The following MGAT5B variants were observed in gnomAD, a reference collection of about 807,000 sequenced individuals.
MGAT5B encodes the protein alpha-1,6-mannosylglycoprotein 6-beta-N-acetylglucosaminyltransferase B.
Under a neutral mutation model 95.1 loss-of-function variants are expected in MGAT5B, and 54 were observed. The ratio of observed to expected loss-of-function variants is 0.57; its 90% CI spans 0.46 to 0.71. MGAT5B has a LOEUF of 0.71. MGAT5B is among the 30% of genes least tolerant of loss of function. MGAT5B has a pLI of 0.00. For synonymous variants in MGAT5B, 464 were observed against 451.0 expected (o/e 1.03, Z -0.36); for missense variants, 935 against 1,088.6 (o/e 0.86, Z 1.99).
Position 76,903,801 on chromosome 17 carries a change from G to A in MGAT5B, c.519+425G>A, listed in dbSNP as rs114810250. ...TGGTTCTGAACGCCCTAAGGGGTGG[G>A]CGGTGGTGCCGCAGACCCCTTCCTT... On this transcript the variant is annotated intron_variant, in intron 5 of 17. Transcript: ENST00000569840. Among the ~76,000 whole-genome samples the A allele has an allele frequency of 1.1e-3, 172 of 152,358 alleles. 1 individual carries two copies. Among genetic ancestry groups the A allele is most frequent in the African/African-American group, 4.0e-3 (168 of 41,588 alleles).
At chr17:76,882,065 C>T in intron 2 of MGAT5B, 86 bp from the exon 3 acceptor site, 1 of 1,459,252 alleles carries the variant, frequency 6.9e-7, no homozygotes, top group Non-Finnish European at 9.2e-7. Context: ...TTGGGGCCAG[C>T]TTTGTCTGAG....
At chr17:76,880,733 G>A (rs922874663) in intron 2 of MGAT5B, among the ~76,000 whole-genome samples, 6 of 152,208 alleles carry the variant, frequency 3.9e-5, no homozygotes, top group African/African-American at 1.2e-4. Context: ...CAGGTGGGGA[G>A]ACTGCAGTGT....
At chr17:76,881,627 G>A (rs1177721746) in intron 2 of MGAT5B, among the ~76,000 whole-genome samples, 1 of 152,208 alleles carries the variant, frequency 6.6e-6, no homozygotes, top group Non-Finnish European at 1.5e-5. Context: ...GGCAAATCTA[G>A]ACCAAGGCCC....
At chr17:76,875,068 C>T (rs1967137470) in intron 2 of MGAT5B, among the ~76,000 whole-genome samples, 1 of 152,172 alleles carries the variant, frequency 6.6e-6, no homozygotes, top group South Asian at 2.1e-4. Context: ...TGATCAGTCC[C>T]CAAGTGTCCC....
intron 8 of MGAT5B, among the ~76,000 whole-genome samples, chr17:76,907,381 C>G (rs1968571231): frequency 6.6e-6 from 1 of 152,046 alleles, no homozygotes; most frequent in Non-Finnish European, 1.5e-5. Flanking sequence ...TTTGTTTTTT[C>G]TTAATAGTGT....
In MGAT5B at chr17:76,938,248, T is replaced by G; in HGVS notation, c.1584+105T>G. 7.1e-7 allele frequency: 1 copy of G among 1,411,464 alleles called. No homozygotes were observed. The highest frequency in any genetic ancestry group is 9.7e-7 in the Non-Finnish European group (1 of 1,029,200). The allele number at this position is 1,411,464 out of a possible 1,614,324, so 87.4% of individuals were successfully genotyped here. ...CTCAGGCCCCTTCCACATATGGACATACCCCAGCATGCTCTGCTGCCCTGA... is the reference window on the plus strand; with the variant it reads ...CTCAGGCCCCTTCCACATATGGACAGACCCCAGCATGCTCTGCTGCCCTGA... On this transcript the variant is annotated intron_variant, in intron 13 of 17. Coordinates refer to ENST00000569840, the MANE Select transcript of MGAT5B (RefSeq NM_001199172.2). The surrounding 1 kb of genome is among the most constrained non-coding windows in gnomAD (Gnocchi z 4.3).
chr17:76,918,926 T>G lies in MGAT5B; in HGVS notation c.1026-6040T>G, dbSNP rs929042803. Among the ~76,000 whole-genome samples the G allele has an allele frequency of 3.3e-5, 5 of 152,172 alleles. No homozygotes were observed. Among genetic ancestry groups the G allele is most frequent in the Admixed American group, 3.3e-4 (5 of 15,294 alleles). ...AGAGAGAATAGTGTGTTCCACAATTTGAGCACTACCTGGAGAGATTATTTC... is the reference window on the plus strand; with the variant it reads ...AGAGAGAATAGTGTGTTCCACAATTGGAGCACTACCTGGAGAGATTATTTC... On this transcript the variant is annotated intron_variant, in intron 8 of 17. Coordinates refer to ENST00000569840, the MANE Select transcript of MGAT5B (RefSeq NM_001199172.2). The surrounding 1 kb of genome is among the most constrained non-coding windows in gnomAD (Gnocchi z 5.1).
intron 8 of MGAT5B, among the ~76,000 whole-genome samples, chr17:76,908,629 A>T (rs1019047759): frequency 1.4e-4 from 21 of 152,104 alleles, no homozygotes; most frequent in African/African-American, 5.1e-4. Context: ...GTACATATTT[A>T]TGGGGATGGG....
chr17:76,929,313 G>C (rs964992592), intron 10 of MGAT5B, among the ~76,000 whole-genome samples: 5 of 152,176 alleles, frequency 3.3e-5, no homozygotes, highest in African/African-American at 1.2e-4. Flanking sequence ...CCAGGGTGGA[G>C]CCCGCTGGAT....
At position 76,886,809 on chromosome 17, in the gene MGAT5B, C is replaced by T. The variant is rs927886791; in HGVS notation, c.329+4511C>T. On this transcript the variant is annotated intron_variant, in intron 3 of 17. Coordinates refer to ENST00000569840, the MANE Select transcript of MGAT5B (RefSeq NM_001199172.2). ...CTGTAATCCCAGCACTTTGAGAGGC[C>T]GAGGTGGTCGGATCACTTGAGGTCA... 7.9e-5 allele frequency among the ~76,000 whole-genome samples: 12 copies of T among 152,152 alleles called. No homozygotes were observed. In the East Asian group the frequency reaches 1.5e-3, roughly 20 times the overall value.
chr17:76,876,047 T>C (rs746407684), intron 2 of MGAT5B, among the ~76,000 whole-genome samples: 3 of 152,126 alleles, frequency 2.0e-5, no homozygotes, highest in Non-Finnish European at 2.9e-5. Context: ...CCGACTCGCA[T>C]TGTCCTCCAT....
In MGAT5B at chr17:76,938,239, A is replaced by G. The variant is rs911627879; in HGVS notation, c.1584+96A>G. 6.3e-5 allele frequency: 92 copies of G among 1,465,208 alleles called. No individual in the cohort carries two copies. Among genetic ancestry groups the G allele is most frequent in the Non-Finnish European group, 6.4e-5 (69 of 1,070,084 alleles). The allele number at this position is 1,465,208 out of a possible 1,614,324, so 90.8% of individuals were successfully genotyped here. On this transcript the variant is annotated intron_variant, in intron 13 of 17. Coordinates refer to ENST00000569840, the MANE Select transcript of MGAT5B (RefSeq NM_001199172.2). The surrounding 1 kb of genome is among the most constrained non-coding windows in gnomAD (Gnocchi z 4.3). Reference sequence around the variant, plus strand: ...CCACCACCACTCAGGCCCCTTCCACATATGGACATACCCCAGCATGCTCTG... The same window carrying G: ...CCACCACCACTCAGGCCCCTTCCACGTATGGACATACCCCAGCATGCTCTG...
chr17:76,899,916 T>C (rs757926573), intron 3 of MGAT5B, among the ~76,000 whole-genome samples: 20 of 152,106 alleles, frequency 1.3e-4, no homozygotes, highest in Non-Finnish European at 2.5e-4. Flanking sequence ...TGAGAAAAGG[T>C]TGATGTGCCC....
intron 2 of MGAT5B, among the ~76,000 whole-genome samples, chr17:76,875,501 C>A (rs989164401): frequency 1.1e-4 from 17 of 152,038 alleles, no homozygotes; most frequent in Non-Finnish European, 2.1e-4. Context: ...TCAATTCAAC[C>A]TTTTTCATCT....
At position 76,947,907 on chromosome 17, in the gene MGAT5B, C is replaced by T; in HGVS notation, c.2001C>T (p.Ala667=). The T allele has an allele frequency of 1.2e-6, 2 of 1,612,996 alleles. No homozygotes were observed. The highest frequency in any genetic ancestry group is 1.7e-6 in the Non-Finnish European group (2 of 1,179,244). ...GCCCCTTTGTCCTGGCCCCCAATGC[C>T]ACCCACCTCGAGTGGGCTCGGAACA... ...PQSPFVLAPN[A]THLEWARNTS... Residue 667 remains alanine (A), a synonymous_variant, in exon 17 of 18, where the codon GCC becomes GCT. Transcript: ENST00000569840.
chr17:76,881,520 G>A (rs2145132927), intron 2 of MGAT5B, among the ~76,000 whole-genome samples: 1 of 152,326 alleles, frequency 6.6e-6, no homozygotes. Context: ...GGGCCCTGGG[G>A]CCCTGAACAC....
chr17:76,886,317 C>T (rs1487047150), intron 3 of MGAT5B, among the ~76,000 whole-genome samples: 2 of 152,168 alleles, frequency 1.3e-5, no homozygotes, highest in Admixed American at 6.5e-5. Context: ...CCAGCCTGGC[C>T]AGTGGCCCCT....
chr17:76,925,141 G>T, intron 9 of MGAT5B, 44 bp downstream of exon 9: 1 of 1,607,734 alleles, frequency 6.2e-7, no homozygotes, highest in South Asian at 1.1e-5. Context: ...CACATGCCAG[G>T]GGAGAAAGCT....
intron 15 of MGAT5B, among the ~76,000 whole-genome samples, chr17:76,943,198 T>C (rs1037004718): frequency 1.1e-4 from 14 of 123,788 alleles, no homozygotes; most frequent in Middle Eastern, 3.8e-3. Context: ...CTTTCCTGTT[T>C]GGTTTTTTTT....
Sources: gnomAD v4.1 joint callset for allele counts (sites outside exome capture counted in the v4.1 genomes callset) on GRCh38, gnomAD v4.1.1 for gene constraint, Gnocchi (gnomAD v3.1) non-coding constraint, MANE v1.5 for transcripts, NCBI Gene and HGNC (gene_info 2026-07-23, HGNC 2026-07-21) for gene names.